The following MKLN1 variants were observed in gnomAD, a reference collection of about 807,000 sequenced individuals.
MKLN1 encodes muskelin 1, also known as muskelin.
In MKLN1, 18 loss-of-function variants were observed where a neutral mutation model predicts 99.0. That is an observed-to-expected ratio of 0.18 (90% CI 0.13 to 0.27). The LOEUF is 0.27. MKLN1 is among the 10% of genes least tolerant of loss of function. The pLI, the probability that MKLN1 is intolerant of heterozygous loss-of-function variation, is 1.00. For synonymous variants in MKLN1, 288 were observed against 293.2 expected, an observed-to-expected ratio of 0.98 and a Z score of 0.18; for missense variants, 621 against 875.9, an observed-to-expected ratio of 0.71 and a Z score of 3.67.
In MKLN1 at chr7:131,207,493, G is replaced by A. The variant is rs189816540; in HGVS notation, c.-179+4519G>A. ...GATTACAGGCATGAGCCACCGCGCT[G>A]GACTATGTGTGTTATTTATGGGCAG... On this transcript the variant is annotated intron_variant, in intron 3 of 7. Coordinates refer to the MKLN1 transcript ENST00000416992. 2.0e-5 allele frequency among the ~76,000 whole-genome samples: 3 copies of A among 152,192 alleles called. No individual in the cohort carries two copies. In the East Asian group the frequency reaches 5.8e-4, roughly 29 times the overall value.
At chr7:131,177,365 G>A (rs1796314055) in intron 2 of MKLN1, among the ~76,000 whole-genome samples, 2 of 116,390 alleles carry the variant, frequency 1.7e-5, no homozygotes, top group Admixed American at 1.9e-4. Context: ...GTACTCAGGA[G>A]GCTGAGGCAG....
chr7:131,286,919 A>G (rs1798140051), intron 3 of MKLN1, among the ~76,000 whole-genome samples: 1 of 152,148 alleles, frequency 6.6e-6, no homozygotes, highest in Non-Finnish European at 1.5e-5. Flanking sequence ...CAGCCTGGGA[A>G]ACATAACAAG....
rs546680557 is a variant in MKLN1, at chr7:131,219,392, C to A, written c.-179+16418C>A. 2.0e-5 allele frequency among the ~76,000 whole-genome samples: 3 copies of A among 152,264 alleles called. No homozygotes were observed. In the South Asian group the frequency reaches 6.2e-4, roughly 32 times the overall value. On this transcript the variant is annotated intron_variant, in intron 3 of 7. Transcript: ENST00000416992. ...ACAACAGGACAAAGGCCAAGTCGTT[C>A]TGTGAGCCAATTCAGCAAACAAAGG...
chr7:131,440,644 A>G (rs551177752), intron 10 of MKLN1, among the ~76,000 whole-genome samples: 6 of 152,322 alleles, frequency 3.9e-5, no homozygotes, highest in African/African-American at 1.2e-4. Context: ...TAATGATCAT[A>G]TAGCATAGGA....
intron 2 of MKLN1, among the ~76,000 whole-genome samples, chr7:131,189,626 G>A (rs927174524): frequency 2.6e-4 from 40 of 152,018 alleles, no homozygotes; most frequent in African/African-American, 8.7e-4. Flanking sequence ...GCCAGTCAGG[G>A]TCCTTAGCTT....
At chr7:131,359,528 T>A (rs1384777474) in intron 1 of MKLN1, among the ~76,000 whole-genome samples, 1 of 152,134 alleles carries the variant, frequency 6.6e-6, no homozygotes, top group Non-Finnish European at 1.5e-5. Context: ...GCTCTTCAGT[T>A]CAAGGGTATT....
chr7:131,399,128 C>T (rs186691003), intron 5 of MKLN1, 113 bp from the exon 6 acceptor site: 294 of 890,520 alleles, frequency 3.3e-4, no homozygotes, highest in Admixed American at 5.2e-4. Context: ...CTGCTTGGCA[C>T]ATAGTGTTAA....
At chr7:131,445,424 G>T (rs1052959632) in intron 11 of MKLN1, among the ~76,000 whole-genome samples, 1 of 151,810 alleles carries the variant, frequency 6.6e-6, no homozygotes, top group East Asian at 1.9e-4. Flanking sequence ...TCTCGCTCTC[G>T]CTTGCGTGCT....
intron 1 of MKLN1, among the ~76,000 whole-genome samples, chr7:131,372,648 C>T (rs1042094363): frequency 5.9e-5 from 9 of 151,416 alleles, no homozygotes; most frequent in Non-Finnish European, 1.0e-4. Flanking sequence ...ATTTAATCCT[C>T]CATTGTTAGT....
At chr7:131,478,832 C>T in intron 17 of MKLN1, 155 bp downstream of exon 17, 1 of 882,618 alleles carries the variant, frequency 1.1e-6, no homozygotes, top group Non-Finnish European at 1.8e-6. Flanking sequence ...TAATAACCTG[C>T]TACAAGGTTG....
intron 3 of MKLN1, among the ~76,000 whole-genome samples, chr7:131,274,754 G>C (rs1797935836): frequency 6.6e-6 from 1 of 151,874 alleles, no homozygotes; most frequent in African/African-American, 2.4e-5. Flanking sequence ...TGAAATTAGA[G>C]AGACATCTGA....
chr7:131,277,264 T>C (rs183762880), intron 3 of MKLN1, among the ~76,000 whole-genome samples: 81 of 152,172 alleles, frequency 5.3e-4, no homozygotes, highest in African/African-American at 1.9e-3. Context: ...TTGTAAACTA[T>C]AGTTTACAAC....
chr7:131,407,300 G>A (rs1199265184), intron 6 of MKLN1, among the ~76,000 whole-genome samples: 1 of 151,688 alleles, frequency 6.6e-6, no homozygotes, highest in Non-Finnish European at 1.5e-5. Flanking sequence ...CTGTACTCAT[G>A]TTTCATAGAG....
In MKLN1 at chr7:131,487,635, T is replaced by C. The variant is rs1227891345; in HGVS notation, c.2115T>C (p.Ala705=). 1 of 1,612,860 alleles carries C rather than the reference T, an allele frequency of 6.2e-7. No homozygotes were observed. Among genetic ancestry groups the C allele is most frequent in the Non-Finnish European group, 8.5e-7 (1 of 1,179,298 alleles). The change falls in exon 18 of 18, where the codon GCT becomes GCC. Residue 705 remains alanine, a synonymous_variant. Coordinates refer to ENST00000352689, the MANE Select transcript of MKLN1 (RefSeq NM_013255.5). The surrounding 1 kb of genome is among the most constrained non-coding windows in gnomAD (Gnocchi z 4.7). The part of the protein sequence containing the change: ...LGFSDVDHTY[A]QRTQLFDTLV... The stretch of plus-strand genomic sequence containing the variant: ...TTTCTGATGTGGATCACACCTATGC[T>C]CAAAGAACTCAGCTCTTTGACACCT...
At chr7:131,346,618 T>C (rs574179646) in intron 1 of MKLN1, among the ~76,000 whole-genome samples, 2 of 152,166 alleles carry the variant, frequency 1.3e-5, no homozygotes, top group South Asian at 4.1e-4. Context: ...AACTTAAAAA[T>C]GTTGAGGATG....
intron 2 of MKLN1, among the ~76,000 whole-genome samples, chr7:131,149,713 G>A (rs939210740): frequency 1.3e-5 from 2 of 152,172 alleles, no homozygotes; most frequent in Non-Finnish European, 2.9e-5. Flanking sequence ...TGGCATTTGG[G>A]ATGTACATGT....
chr7:131,336,374 G>A (rs2116710083), intron 1 of MKLN1, among the ~76,000 whole-genome samples: 1 of 151,856 alleles, frequency 6.6e-6, no homozygotes, highest in Non-Finnish European at 1.5e-5. Context: ...ACAGATTTTT[G>A]TTTGCCTGTT....
intron 3 of MKLN1, among the ~76,000 whole-genome samples, chr7:131,244,847 G>T (rs986687897): frequency 6.6e-6 from 1 of 151,940 alleles, no homozygotes; most frequent in African/African-American, 2.4e-5. Context: ...ACATATGCCC[G>T]AATGTACAAG....
intron 3 of MKLN1, among the ~76,000 whole-genome samples, chr7:131,235,295 CTG>C (rs35071431): frequency 1.0e-4 from 15 of 149,296 alleles, no homozygotes; most frequent in Non-Finnish European, 1.0e-4. Flanking sequence ...CACACACACA[CTG>C]TGTGTGTGTG....
Sources: gnomAD v4.1 joint callset for allele counts (sites outside exome capture counted in the v4.1 genomes callset) on GRCh38, gnomAD v4.1.1 for gene constraint, Gnocchi (gnomAD v3.1) non-coding constraint, MANE v1.5 for transcripts, NCBI Gene and HGNC (gene_info 2026-07-23, HGNC 2026-07-21) for gene names.